Variants in FBXO40 observed in about 807,000 individuals in gnomAD.
FBXO40 encodes the protein F-box only protein 40.
In FBXO40, 50 loss-of-function variants were observed where a neutral mutation model predicts 49.9. The ratio of observed to expected loss-of-function variants is 1.00; its 90% CI spans 0.80 to 1.27. FBXO40 has a LOEUF of 1.27. Ranked by LOEUF, FBXO40 falls within the 50% of genes most tolerant of loss-of-function variation. FBXO40 has a pLI of 0.00. For synonymous variants in FBXO40, 340 were observed against 320.2 expected (o/e 1.06, Z -0.66); for missense variants, 895 against 870.1 (o/e 1.03, Z -0.36).
At chr3:121,608,155 T>A (rs2048941897) in intron 1 of FBXO40, among the ~76,000 whole-genome samples, 1 of 152,212 alleles carries the variant, frequency 6.6e-6, no homozygotes, top group Non-Finnish European at 1.5e-5. Context: ...CAAGGGCATT[T>A]CATTTAATAA....
At position 121,620,597 on chromosome 3, in the gene FBXO40, T is replaced by C. The variant is rs765363646; in HGVS notation, c.3+19T>C. The C allele has an allele frequency of 5.0e-6, 8 of 1,614,190 alleles. No homozygotes were observed. The highest frequency in any genetic ancestry group is 4.5e-5 in the East Asian group (2 of 44,878). On this transcript the variant is annotated intron_variant, in intron 2 of 3. Coordinates refer to ENST00000338040, the MANE Select transcript of FBXO40 (RefSeq NM_016298.4). ...CGCCATGGTAAGCACCAGGAGCTTATTGAAGCTTCACCATTGAGAGGTCCA... is the reference window on the plus strand; with the variant it reads ...CGCCATGGTAAGCACCAGGAGCTTACTGAAGCTTCACCATTGAGAGGTCCA...
chr3:121,609,991 C>T (rs2048955909), intron 1 of FBXO40, among the ~76,000 whole-genome samples: 1 of 152,226 alleles, frequency 6.6e-6, no homozygotes, highest in Non-Finnish European at 1.5e-5. Context: ...GGTGTGAAGT[C>T]TTGGGCTGGT....
At chr3:121,595,463 T>C (rs1389995650) in intron 1 of FBXO40, among the ~76,000 whole-genome samples, 1 of 152,314 alleles carries the variant, frequency 6.6e-6, no homozygotes. Context: ...AATAGAATAG[T>C]ACTGATACAA....
At position 121,623,272 on chromosome 3, in the gene FBXO40, G is replaced by C; in HGVS notation, c.1843G>C (p.Gly615Arg). The change falls in exon 3 of 4, where the codon GGA (glycine) becomes CGA (arginine). Residue 615 changes from glycine to arginine, a missense_variant. Gly to Arg is a moderately radical substitution (Grantham distance 125). Transcript: ENST00000338040. ...CTGTGCCACTTTGTTACAAGAGAGAGGAATGGTCCTTTTGCAATGGAAGAA... is the reference window on the plus strand; with the variant it reads ...CTGTGCCACTTTGTTACAAGAGAGACGAATGGTCCTTTTGCAATGGAAGAA... Reference protein sequence around the residue: ...NICATLLQERGMVLLQWKKKR... With the variant: ...NICATLLQERRMVLLQWKKKR... 1 of 1,614,184 alleles carries C rather than the reference G, an allele frequency of 6.2e-7. No homozygotes were observed.
At chr3:121,612,884 A>G (rs1335518121) in intron 1 of FBXO40, among the ~76,000 whole-genome samples, 1 of 152,148 alleles carries the variant, frequency 6.6e-6, no homozygotes, top group Non-Finnish European at 1.5e-5. Context: ...CCTGGCTAAC[A>G]CAGTGAAACC....
chr3:121,598,711 T>C (rs559621903), intron 1 of FBXO40, among the ~76,000 whole-genome samples: 2 of 152,120 alleles, frequency 1.3e-5, no homozygotes, highest in African/African-American at 4.8e-5. Context: ...ATTTGCCCAC[T>C]CCTTTTCCAG....
chr3:121,613,871 G>T (rs554712942), intron 1 of FBXO40, among the ~76,000 whole-genome samples: 1 of 152,314 alleles, frequency 6.6e-6, no homozygotes, highest in African/African-American at 2.4e-5. Flanking sequence ...TGTGGCTCAC[G>T]CCTGTAATCC....
intron 1 of FBXO40, among the ~76,000 whole-genome samples, chr3:121,602,939 T>G (rs1340843600): frequency 6.6e-6 from 1 of 152,220 alleles, no homozygotes; most frequent in Non-Finnish European, 1.5e-5. Context: ...CATTCAGGCT[T>G]CTATAACAAA....
chr3:121,599,680 A>ATG (rs1560126941), intron 1 of FBXO40, among the ~76,000 whole-genome samples: 13 of 67,470 alleles, frequency 1.9e-4, no homozygotes, highest in African/African-American at 6.8e-4. Context: ...ACATGCACAC[A>ATG]CACACACACA....
intron 1 of FBXO40, among the ~76,000 whole-genome samples, chr3:121,596,262 G>A (rs2048870074): frequency 6.6e-6 from 1 of 152,058 alleles, no homozygotes; most frequent in South Asian, 2.1e-4. Context: ...AGCTTTGTGT[G>A]GTGCTGTGAT....
chr3:121,593,633 A>G (rs945255109), intron 1 of FBXO40, 131 bp downstream of exon 1: 7 of 152,224 alleles, frequency 4.6e-5, no homozygotes, highest in Admixed American at 3.3e-4. Context: ...TTATGTAAAG[A>G]TGTGGGGGAA....
At chr3:121,617,326 T>C (rs769436988) in intron 1 of FBXO40, among the ~76,000 whole-genome samples, 8 of 152,194 alleles carry the variant, frequency 5.3e-5, no homozygotes, top group African/African-American at 1.2e-4. Flanking sequence ...CCGGGCACAG[T>C]GGCTCACACC....
At chr3:121,595,159 C>T (rs539441146) in intron 1 of FBXO40, among the ~76,000 whole-genome samples, 1 of 152,330 alleles carries the variant, frequency 6.6e-6, no homozygotes, top group South Asian at 2.1e-4. Context: ...CTGGTTCCTT[C>T]CTGCCTGTCT....
At chr3:121,613,844 G>A (rs568891346) in intron 1 of FBXO40, among the ~76,000 whole-genome samples, 1 of 152,310 alleles carries the variant, frequency 6.6e-6, no homozygotes, top group African/African-American at 2.4e-5. Context: ...AAGCTAAACT[G>A]TTTGGTGGCC....
intron 1 of FBXO40, among the ~76,000 whole-genome samples, chr3:121,618,338 C>G (rs866094272): frequency 2.7e-5 from 4 of 149,140 alleles, no homozygotes; most frequent in African/African-American, 7.4e-5. Context: ...AGCTGAAGTA[C>G]TTAGGGATAA....
chr3:121,625,472 A>G (rs2049057175), intron 3 of FBXO40, among the ~76,000 whole-genome samples: 1 of 152,206 alleles, frequency 6.6e-6, no homozygotes, highest in African/African-American at 2.4e-5. Flanking sequence ...AAAAGTAATT[A>G]CAAGACTCTC....
rs566729664 is a variant in FBXO40, at chr3:121,628,246, G to A, written c.*1336G>A. On this transcript the variant is annotated 3_prime_UTR_variant, in exon 4 of 4. Coordinates refer to ENST00000338040, the MANE Select transcript of FBXO40 (RefSeq NM_016298.4). The stretch of plus-strand genomic sequence containing the variant: ...GGCTGGAGCGCAATGACATGATCTC[G>A]GCTCACCGCAACCTCCGCCTCCTGG... 84 of 198,646 alleles carry A rather than the reference G, an allele frequency of 4.2e-4. No individual in the cohort carries two copies. Among genetic ancestry groups the A allele is most frequent in the Non-Finnish European group, 6.8e-4 (68 of 99,500 alleles). 12.3% of individuals were successfully genotyped at this position (198,646 alleles called of 1,614,324 possible). A position where few individuals can be genotyped will look rare whatever the true frequency, so the allele number is the denominator to read the frequency against.
chr3:121,614,681 A>G (rs1323259208), intron 1 of FBXO40, among the ~76,000 whole-genome samples: 2 of 152,158 alleles, frequency 1.3e-5, no homozygotes, highest in Non-Finnish European at 2.9e-5. Context: ...CTGGGCCTCA[A>G]ACTCAAGTAG....
chr3:121,618,352 G>A (rs887378284), intron 1 of FBXO40, among the ~76,000 whole-genome samples: 5 of 148,260 alleles, frequency 3.4e-5, no homozygotes, highest in South Asian at 2.1e-4. Context: ...GGGATAAAGC[G>A]TCTTATATCA....
Sources: allele counts gnomAD v4.1 joint callset (sites outside exome capture counted in the v4.1 genomes callset), GRCh38; gene constraint gnomAD v4.1.1; transcripts MANE v1.5; gene names NCBI Gene and HGNC (gene_info 2026-07-23, HGNC 2026-07-21).